The following MACIR variants were observed in gnomAD, a reference collection of about 807,000 sequenced individuals.
MACIR encodes macrophage immunometabolism regulator.
A neutral mutation model predicts 14.3 loss-of-function variants in MACIR; 4 were observed. The observed-to-expected ratio is 0.28, with a 90% CI of 0.14 to 0.64. MACIR has a LOEUF of 0.64. Among genes scored for constraint, MACIR ranks in the 30% least tolerant of loss-of-function variants. MACIR has a pLI of 0.83. For missense variants in MACIR, 228 were observed against 257.6 expected, an observed-to-expected ratio of 0.89 and a Z score of 0.79; for synonymous variants, 101 against 102.4, an observed-to-expected ratio of 0.99 and a Z score of 0.08.
At chr5:103,266,974 A>T (rs1804947763) in intron 2 of MACIR, among the ~76,000 whole-genome samples, 1 of 152,200 alleles carries the variant, frequency 6.6e-6, no homozygotes. Flanking sequence ...TTTGAAAACC[A>T]TAGTACAAAG....
At position 103,276,210 on chromosome 5, in the gene MACIR, T is replaced by C. The variant is rs781799416; in HGVS notation, c.291T>C (p.Asp97=). ...CATCCTTACGCTCCAAACAGCTAGA[T>C]GCAGGACTTGCCCGTTCCTCTCGTT... ...AMPSLRSKQL[D]AGLARSSRLY... The change falls in exon 3 of 3, where the codon GAT becomes GAC. Residue 97 remains aspartate, a synonymous_variant. Coordinates refer to ENST00000319933, the MANE Select transcript of MACIR (RefSeq NM_033211.4). The C allele has an allele frequency of 6.2e-7, 1 of 1,613,672 alleles. No individual in the cohort carries two copies. Among genetic ancestry groups the C allele is most frequent in the Admixed American group, 1.7e-5 (1 of 59,946 alleles).
chr5:103,267,703 G>T (rs1444190551), intron 2 of MACIR, among the ~76,000 whole-genome samples: 5 of 152,110 alleles, frequency 3.3e-5, no homozygotes, highest in African/African-American at 7.2e-5. Flanking sequence ...GTGACAAAGA[G>T]TTCATTTATT....
chr5:103,271,150 T>G (rs1321115742), intron 2 of MACIR, among the ~76,000 whole-genome samples: 1 of 152,146 alleles, frequency 6.6e-6, no homozygotes, highest in Non-Finnish European at 1.5e-5. Context: ...GGAAAGCTAA[T>G]GAAGCAATTA....
chr5:103,273,720 C>A (rs1562550849), intron 2 of MACIR, among the ~76,000 whole-genome samples: 1 of 141,926 alleles, frequency 7.0e-6, no homozygotes, highest in African/African-American at 2.5e-5. Flanking sequence ...CAAATTTTTT[C>A]CCTCGTAGAC....
intron 1 of MACIR, among the ~76,000 whole-genome samples, chr5:103,261,172 AAC>A (rs1212515989): frequency 2.6e-5 from 4 of 152,244 alleles, no homozygotes; most frequent in African/African-American, 9.6e-5. Context: ...TAGAAAGAGA[AAC>A]ACATTTTTGT....
intron 2 of MACIR, among the ~76,000 whole-genome samples, chr5:103,268,186 GGTT>G (rs1804995788): frequency 6.6e-6 from 1 of 151,994 alleles, no homozygotes; most frequent in African/African-American, 2.4e-5. Context: ...ATTTTTCTTG[GGTT>G]AGATATCTAT....
chr5:103,272,159 A>G (rs1443925847), intron 2 of MACIR, among the ~76,000 whole-genome samples: 2 of 152,228 alleles, frequency 1.3e-5, no homozygotes, highest in Non-Finnish European at 2.9e-5. Context: ...ACTTATTAAA[A>G]ATAACAAGTC....
intron 2 of MACIR, among the ~76,000 whole-genome samples, chr5:103,271,189 G>C (rs35203192): frequency 0.034 from 5,217 of 152,148 alleles, 145 homozygotes; most frequent in Admixed American, 0.091. Context: ...ATGAAATACA[G>C]GTATTAGGAT....
rs1401437821 is a variant in MACIR at position 103,263,210 on chromosome 5, CTCCTCCTCCTCCTCCTGCTCT to C, written c.-113-2664_-113-2644del. ...CTTTTTCACCATATACCTCCTCCTC[CTCCTCCTCCTCCTCCTGCTCT>C]TCCTCCTCCTCCTCCTGCTCTTCCT... On this transcript the variant is annotated intron_variant, in intron 1 of 2. Coordinates refer to ENST00000319933, the MANE Select transcript of MACIR (RefSeq NM_033211.4). Among the ~76,000 whole-genome samples the C allele has an allele frequency of 1.9e-4, 27 of 141,180 alleles. No homozygotes were observed. In the East Asian group the frequency reaches 4.0e-3, roughly 21 times the overall value. The allele number at this position is 141,180 out of a possible 152,430, so 92.6% of individuals were successfully genotyped here.
chr5:103,268,508 A>G (rs1452932284), intron 2 of MACIR, among the ~76,000 whole-genome samples: 1 of 152,198 alleles, frequency 6.6e-6, no homozygotes, highest in Non-Finnish European at 1.5e-5. Context: ...CAACATGACT[A>G]TACAGTAATT....
At chr5:103,260,342 A>G (rs1327868416) in intron 1 of MACIR, among the ~76,000 whole-genome samples, 1 of 150,730 alleles carries the variant, frequency 6.6e-6, no homozygotes, top group East Asian at 1.9e-4. Context: ...TGCAAAGTTT[A>G]TTTTCCCAGT....
chr5:103,267,306 T>G (rs1158002530), intron 2 of MACIR, among the ~76,000 whole-genome samples: 1 of 152,206 alleles, frequency 6.6e-6, no homozygotes, highest in Admixed American at 6.5e-5. Context: ...TAATACCTAT[T>G]ACAATGTAAA....
At position 103,272,452 on chromosome 5, in the gene MACIR, T is replaced by C. The variant is rs573471609; in HGVS notation, c.-23-3445T>C. On this transcript the variant is annotated intron_variant, in intron 2 of 2. Transcript: ENST00000319933. ...ACAGTGTCTAAAGAGCTTCTGCCCATTGTAAAAATAACCTGAGCAAGTTGA... is the reference window on the plus strand; with the variant it reads ...ACAGTGTCTAAAGAGCTTCTGCCCACTGTAAAAATAACCTGAGCAAGTTGA... Among the ~76,000 whole-genome samples the C allele has an allele frequency of 4.0e-5, 6 of 151,742 alleles. No homozygotes were observed. The South Asian group carries it at 1.3e-3, about 32-fold the overall frequency.
chr5:103,270,412 G>T (rs1293483899), intron 2 of MACIR, among the ~76,000 whole-genome samples: 3 of 152,120 alleles, frequency 2.0e-5, no homozygotes, highest in African/African-American at 4.8e-5. Context: ...AAAAAGGAAG[G>T]ATATACCAAA....
chr5:103,274,038 C>G (rs983369577), intron 2 of MACIR, among the ~76,000 whole-genome samples: 2 of 152,118 alleles, frequency 1.3e-5, no homozygotes, highest in African/African-American at 4.8e-5. Context: ...CTCACTGACC[C>G]TCCTTTCCTT....
chr5:103,262,353 T>A (rs943717428), intron 1 of MACIR, among the ~76,000 whole-genome samples: 2 of 152,220 alleles, frequency 1.3e-5, no homozygotes, highest in South Asian at 4.1e-4. Context: ...GAAGGGTGTT[T>A]CCCTTTTTAA....
chr5:103,269,461 A>T (rs1410532939), intron 2 of MACIR, among the ~76,000 whole-genome samples: 2 of 151,596 alleles, frequency 1.3e-5, no homozygotes, highest in Non-Finnish European at 2.9e-5. Flanking sequence ...TAAAAAAAAC[A>T]GTGAAAGCAT....
intron 1 of MACIR, among the ~76,000 whole-genome samples, chr5:103,261,693 TCTTTC>T (rs1804723207): frequency 8.4e-6 from 1 of 119,328 alleles, no homozygotes; most frequent in South Asian, 2.5e-4. Flanking sequence ...TTTCTTTCTT[TCTTTC>T]TTTCTTCCTT....
intron 2 of MACIR, among the ~76,000 whole-genome samples, chr5:103,267,087 T>C (rs116776297): frequency 1.5e-3 from 222 of 152,238 alleles, no homozygotes; most frequent in African/African-American, 5.2e-3. Flanking sequence ...ACTACAGGAA[T>C]GTATGTGTAT....
Sources: gnomAD v4.1 joint callset for allele counts (sites outside exome capture counted in the v4.1 genomes callset) on GRCh38, gnomAD v4.1.1 for gene constraint, MANE v1.5 for transcripts, NCBI Gene and HGNC (gene_info 2026-07-23, HGNC 2026-07-21) for gene names.